CAPS2: variants seen among roughly 807,000 people sequenced by gnomAD.
CAPS2 encodes the protein calcyphosin-2.
In CAPS2, 98 loss-of-function variants were observed where a neutral mutation model predicts 86.5. The observed-to-expected ratio is 1.13, with a 90% CI of 0.96 to 1.34. The LOEUF is 1.34. Ranked by LOEUF, CAPS2 falls within the 40% of genes most tolerant of loss-of-function variation. CAPS2 has a pLI of 0.00. For synonymous variants in CAPS2, 210 were observed against 225.1 expected, an observed-to-expected ratio of 0.93 and a Z score of 0.60; for missense variants, 729 against 686.8, an observed-to-expected ratio of 1.06 and a Z score of -0.69.
At chr12:75,346,505 C>G (rs547441510) in intron 1 of CAPS2, among the ~76,000 whole-genome samples, 1 of 152,166 alleles carries the variant, frequency 6.6e-6, no homozygotes, top group South Asian at 2.1e-4. Context: ...ATTCTCCTGC[C>G]TCAGCCTCCT....
At chr12:75,339,163 T>C (rs1033532577) in intron 1 of CAPS2, among the ~76,000 whole-genome samples, 1 of 152,198 alleles carries the variant, frequency 6.6e-6, no homozygotes, top group Non-Finnish European at 1.5e-5. Context: ...CTCTAGATCT[T>C]TGAGGAATTG....
exon 17 of CAPS2, chr12:75,278,804 T>C (rs1006006586): frequency 3.0e-6 from 4 of 1,342,960 alleles, no homozygotes; most frequent in African/African-American, 1.5e-5. Flanking sequence ...CCTAGGAAAA[T>C]ATATTCCAGT....
At chr12:75,339,836 T>G (rs2041984287) in intron 1 of CAPS2, among the ~76,000 whole-genome samples, 1 of 152,020 alleles carries the variant, frequency 6.6e-6, no homozygotes, top group Admixed American at 6.6e-5. Context: ...GGAAAAGTTA[T>G]TTACTGGTGA....
At chr12:75,310,734 G>A (rs188522539) in intron 7 of CAPS2, among the ~76,000 whole-genome samples, 1 of 152,068 alleles carries the variant, frequency 6.6e-6, no homozygotes, top group African/African-American at 2.4e-5. Flanking sequence ...ACTAAGTCAT[G>A]CAAATGCGGA....
At chr12:75,282,152 C>T in intron 16 of CAPS2, 99 bp downstream of exon 16, 1 of 720,486 alleles carries the variant, frequency 1.4e-6, no homozygotes, top group Non-Finnish European at 2.4e-6. Context: ...TTTATTTCCT[C>T]CCTAATGGCC....
chr12:75,334,883 C>T, upstream of CAPS2: 1 of 1,613,948 alleles, frequency 6.2e-7, no homozygotes, highest in Non-Finnish European at 8.5e-7. Context: ...AACCCTCCCG[C>T]GGCCGACATG....
At chr12:75,285,257 T>A (rs992025388) in intron 14 of CAPS2, among the ~76,000 whole-genome samples, 177 bp from the exon 15 acceptor site, 2 of 152,084 alleles carry the variant, frequency 1.3e-5, no homozygotes, top group Non-Finnish European at 2.9e-5. Flanking sequence ...TTTAGAGGAA[T>A]CTGTGGTGAA....
intron 1 of CAPS2, among the ~76,000 whole-genome samples, chr12:75,377,708 G>C (rs1006485585): frequency 6.6e-6 from 1 of 151,890 alleles, no homozygotes; most frequent in Non-Finnish European, 1.5e-5. Flanking sequence ...CCACATTGAG[G>C]GTGGGTCTGC....
intron 7 of CAPS2, chr12:75,305,983 G>A: frequency 7.1e-7 from 1 of 1,402,376 alleles, no homozygotes; most frequent in Non-Finnish European, 9.9e-7. Context: ...GCAACAGCAG[G>A]GTCCTGACAG....
chr12:75,345,547 G>A (rs945576040), intron 1 of CAPS2, among the ~76,000 whole-genome samples: 36 of 152,162 alleles, frequency 2.4e-4, no homozygotes, highest in African/African-American at 7.7e-4. Flanking sequence ...CTTATCAGAG[G>A]TGCAGTGAAC....
upstream of CAPS2, among the ~76,000 whole-genome samples, chr12:75,329,372 C>T (rs1181705592): frequency 2.0e-5 from 3 of 152,136 alleles, no homozygotes; most frequent in Admixed American, 2.0e-4. Context: ...TGGCTTCTGT[C>T]CCCACTTAAA....
At chr12:75,327,794 C>T (rs542933246), upstream of CAPS2, among the ~76,000 whole-genome samples, 4 of 149,496 alleles carry the variant, frequency 2.7e-5, no homozygotes, top group Admixed American at 2.7e-4. Flanking sequence ...ATTATTATTA[C>T]AATATACTTT....
intron 1 of CAPS2, among the ~76,000 whole-genome samples, chr12:75,388,529 G>T (rs758315168): frequency 2.1e-4 from 32 of 152,272 alleles, no homozygotes; most frequent in Non-Finnish European, 3.4e-4. Context: ...AGTGAAAGAA[G>T]CCAATCTGAA....
At chr12:75,299,207 G>A (rs921829064) in intron 9 of CAPS2, among the ~76,000 whole-genome samples, 3 of 152,136 alleles carry the variant, frequency 2.0e-5, no homozygotes, top group East Asian at 1.9e-4. Flanking sequence ...ATATATTTAC[G>A]ATGTACATTA....
intron 13 of CAPS2, among the ~76,000 whole-genome samples, chr12:75,290,588 C>T (rs1234149179): frequency 6.6e-6 from 1 of 152,070 alleles, no homozygotes; most frequent in African/African-American, 2.4e-5. Context: ...CTGTGAGCCC[C>T]TTATCTTTAA....
At chr12:75,325,146 C>G in intron 2 of CAPS2, 93 bp downstream of exon 3, 1 of 1,203,774 alleles carries the variant, frequency 8.3e-7, no homozygotes, top group Non-Finnish European at 1.1e-6. Flanking sequence ...ACAATCATAG[C>G]TACATTTATA....
At chr12:75,306,156 C>G (rs529907197) in intron 7 of CAPS2, 1 of 999,724 alleles carries the variant, frequency 1.0e-6, no homozygotes, top group Non-Finnish European at 1.6e-6. Context: ...AGGAGTTCGT[C>G]CAGCAGAATT....
chr12:75,383,680 C>T (rs918804756), intron 1 of CAPS2, among the ~76,000 whole-genome samples: 10 of 152,236 alleles, frequency 6.6e-5, no homozygotes, highest in Middle Eastern at 3.4e-3. Flanking sequence ...ACATCAATCA[C>T]CTGGATGTAA....
intron 1 of CAPS2, among the ~76,000 whole-genome samples, chr12:75,343,154 A>G (rs370566561): frequency 3.9e-5 from 6 of 151,928 alleles, no homozygotes; most frequent in Non-Finnish European, 8.8e-5. Context: ...ATACTACCTA[A>G]CTTCTTGTAC....
Sources: allele counts gnomAD v4.1 joint callset (sites outside exome capture counted in the v4.1 genomes callset), GRCh38; gene constraint gnomAD v4.1.1; transcripts MANE v1.5; gene names NCBI Gene and HGNC (gene_info 2026-07-23, HGNC 2026-07-21).